Variants in CERS6 observed in about 807,000 individuals in gnomAD.
CERS6 encodes LAG1 homolog, ceramide synthase 6.
Under a neutral mutation model 56.8 loss-of-function variants are expected in CERS6, and 26 were observed. The observed-to-expected ratio is 0.46, with a 90% CI of 0.34 to 0.63. The LOEUF (loss-of-function observed/expected upper bound fraction) is 0.63, where lower values mean the gene tolerates loss of function less well. Ranked by LOEUF, CERS6 falls within the 30% of genes least tolerant of loss-of-function variation. The pLI is 0.01. For synonymous variants in CERS6, 164 were observed against 173.3 expected (o/e 0.95, Z 0.42); for missense variants, 415 against 467.5 (o/e 0.89, Z 1.04).
chr2:168,632,972 A>G (rs972344576), intron 4 of CERS6, among the ~76,000 whole-genome samples: 1 of 152,158 alleles, frequency 6.6e-6, no homozygotes, highest in Admixed American at 6.6e-5. Flanking sequence ...TTTGACGCTT[A>G]GCTCTGGTTC....
At chr2:168,747,895 A>G (rs985814440) in intron 8 of CERS6, among the ~76,000 whole-genome samples, 6 of 152,118 alleles carry the variant, frequency 3.9e-5, no homozygotes, top group Non-Finnish European at 7.4e-5. Flanking sequence ...TGCAGATATC[A>G]TGACAGTTCA....
chr2:168,618,604 A>G (rs778553981), intron 3 of CERS6, among the ~76,000 whole-genome samples: 1 of 152,214 alleles, frequency 6.6e-6, no homozygotes, highest in Non-Finnish European at 1.5e-5. Context: ...GTGGAGAATC[A>G]AATGAAGAAA....
chr2:168,635,888 T>C (rs937491875), intron 4 of CERS6, among the ~76,000 whole-genome samples: 1 of 152,222 alleles, frequency 6.6e-6, no homozygotes, highest in African/African-American at 2.4e-5. Context: ...TACTTTGAGA[T>C]GTTCTCTTTT....
chr2:168,519,085 A>T (rs1020799731), intron 1 of CERS6, among the ~76,000 whole-genome samples: 2 of 152,176 alleles, frequency 1.3e-5, no homozygotes, highest in African/African-American at 4.8e-5. Flanking sequence ...AGTGTTGAGG[A>T]TCACTGCTGT....
chr2:168,690,973 CT>C, intron 4 of CERS6, 60 bp from the exon 5 acceptor site: 1 of 1,485,958 alleles, frequency 6.7e-7, no homozygotes, highest in Non-Finnish European at 9.4e-7. Flanking sequence ...TATTGTAAAC[CT>C]TTTTTATCCT....
At chr2:168,693,184 C>T (rs1356509433) in intron 5 of CERS6, among the ~76,000 whole-genome samples, 1 of 152,158 alleles carries the variant, frequency 6.6e-6, no homozygotes, top group Non-Finnish European at 1.5e-5. Context: ...GCCTCACTAG[C>T]TATGAGACCT....
chr2:168,704,719 G>C (rs1455298904), intron 6 of CERS6, among the ~76,000 whole-genome samples: 1 of 152,114 alleles, frequency 6.6e-6, no homozygotes, highest in Admixed American at 6.5e-5. Context: ...CGATTCTCCT[G>C]CCTCAGCCTC....
intron 6 of CERS6, among the ~76,000 whole-genome samples, chr2:168,699,369 T>C (rs1221768118): frequency 6.6e-6 from 1 of 152,196 alleles, no homozygotes; most frequent in Non-Finnish European, 1.5e-5. Flanking sequence ...AGGTTGTTAA[T>C]AGAAGAGTTA....
chr2:168,457,898 G>A (rs1017121786), intron 1 of CERS6, among the ~76,000 whole-genome samples: 1 of 152,142 alleles, frequency 6.6e-6, no homozygotes, highest in Non-Finnish European at 1.5e-5. Context: ...GCTTGAAAAC[G>A]AAGTCAGCTG....
intron 3 of CERS6, among the ~76,000 whole-genome samples, chr2:168,563,262 CTT>C (rs1444228443): frequency 6.6e-6 from 1 of 152,166 alleles, no homozygotes; most frequent in Non-Finnish European, 1.5e-5. Context: ...GTGTCTATCT[CTT>C]CTCCATGAAT....
chr2:168,550,175 G>A (rs1158535715), intron 2 of CERS6, among the ~76,000 whole-genome samples: 1 of 151,684 alleles, frequency 6.6e-6, no homozygotes, highest in Non-Finnish European at 1.5e-5. Context: ...GTGTTTTTTT[G>A]TTTGTTGTTT....
chr2:168,678,077 C>T (rs1247811274), intron 4 of CERS6, among the ~76,000 whole-genome samples: 3 of 152,152 alleles, frequency 2.0e-5, no homozygotes, highest in African/African-American at 4.8e-5. Context: ...GAAATAGGAA[C>T]GCTTTTACAC....
chr2:168,467,178 G>A (rs1353387027), intron 1 of CERS6, among the ~76,000 whole-genome samples: 1 of 152,178 alleles, frequency 6.6e-6, no homozygotes, highest in East Asian at 1.9e-4. Flanking sequence ...AGTGGGGGAG[G>A]GTGTTTAGAA....
chr2:168,710,832 C>G (rs994659903), intron 6 of CERS6, among the ~76,000 whole-genome samples: 1 of 152,212 alleles, frequency 6.6e-6, no homozygotes, highest in African/African-American at 2.4e-5. Context: ...GTCATCATTT[C>G]TCTTCTGCCA....
At chr2:168,745,557 G>A (rs1684074625) in intron 8 of CERS6, among the ~76,000 whole-genome samples, 2 of 152,150 alleles carry the variant, frequency 1.3e-5, no homozygotes. Flanking sequence ...TTTTAAAAAT[G>A]TAGAACACAG....
rs1029584108 is a variant in CERS6, at chr2:168,765,705, A to T, written c.959A>T (p.Tyr320Phe). 6.2e-7 allele frequency: 1 copy of T among 1,613,884 alleles called. No individual in the cohort carries two copies. The highest frequency in any genetic ancestry group is 1.3e-5 in the African/African-American group (1 of 75,050). Residue 320 changes from tyrosine to phenylalanine, a missense_variant, in exon 9 of 10, where the codon TAC (tyrosine) becomes TTC (phenylalanine). Physicochemically the swap from Tyr to Phe is conservative, Grantham distance 22. Coordinates refer to ENST00000305747, the MANE Select transcript of CERS6 (RefSeq NM_203463.3). ...LVQGLNCFWS[Y>F]LIVKIACKAV... ...CAAGGGTTGAACTGCTTCTGGTCTT[A>T]CTTGATTGTGAAAATAGCTTGCAAA...
In CERS6 at chr2:168,691,110, T is replaced by C. The variant is rs199773199; in HGVS notation, c.516+26T>C. 4.2e-5 allele frequency: 67 copies of C among 1,601,966 alleles called. No individual in the cohort carries two copies. The African/African-American group carries it at 7.6e-4, about 18-fold the overall frequency. ...GTAAGGAGGCATTATTGTCTGGGTTTTTACACACATTAAGTATCTACCTTC... is the reference window on the plus strand; with the variant it reads ...GTAAGGAGGCATTATTGTCTGGGTTCTTACACACATTAAGTATCTACCTTC... On this transcript the variant is annotated intron_variant, in intron 5 of 9. Transcript: ENST00000305747.
chr2:168,493,895 A>G (rs1694417230), intron 1 of CERS6, among the ~76,000 whole-genome samples: 2 of 151,748 alleles, frequency 1.3e-5, no homozygotes, highest in Middle Eastern at 3.5e-3. Flanking sequence ...AAAGATGACA[A>G]TGATGACAGG....
intron 1 of CERS6, among the ~76,000 whole-genome samples, chr2:168,468,317 A>G (rs143926184): frequency 8.3e-4 from 127 of 152,264 alleles, no homozygotes; most frequent in African/African-American, 2.8e-3. Flanking sequence ...CCCCAGTGAT[A>G]GTTGTTTATT....
Sources: allele counts gnomAD v4.1 joint callset (sites outside exome capture counted in the v4.1 genomes callset), GRCh38; gene constraint gnomAD v4.1.1; transcripts MANE v1.5; gene names NCBI Gene and HGNC (gene_info 2026-07-23, HGNC 2026-07-21).